Variants in HMGCLL1 observed in about 807,000 individuals in gnomAD.
HMGCLL1 encodes 3-hydroxymethyl-3-methylglutaryl-CoA lyase, cytoplasmic.
Under a neutral mutation model 39.1 loss-of-function variants are expected in HMGCLL1, and 36 were observed. The observed-to-expected ratio is 0.92, with a 90% CI of 0.71 to 1.22. The LOEUF (loss-of-function observed/expected upper bound fraction) is 1.22. HMGCLL1 is among the 50% of genes most tolerant of loss of function. The probability of loss-of-function intolerance (pLI) is 0.00; values close to 1 mark genes in which losing one functional copy is unlikely to be tolerated. For synonymous variants in HMGCLL1, 149 were observed against 144.0 expected (o/e 1.03, Z -0.25); for missense variants, 451 against 416.5 (o/e 1.08, Z -0.72).
At chr6:55,520,759 CA>C (rs1481646121) in intron 3 of HMGCLL1, among the ~76,000 whole-genome samples, 6 of 151,868 alleles carry the variant, frequency 4.0e-5, no homozygotes, top group Non-Finnish European at 5.9e-5. Flanking sequence ...AAACTTTTTT[CA>C]GACGTTGCAG....
intron 7 of HMGCLL1, among the ~76,000 whole-genome samples, chr6:55,477,413 ATATTATCTTAAT>A (rs1765492689): frequency 3.7e-5 from 1 of 27,358 alleles, no homozygotes; most frequent in South Asian, 9.0e-4. Context: ...ATCTAAATAT[ATATTATCTTAAT>A]ATATATTATA....
intron 7 of HMGCLL1, among the ~76,000 whole-genome samples, chr6:55,480,505 C>T (rs574231038): frequency 1.7e-4 from 26 of 151,732 alleles, no homozygotes; most frequent in Non-Finnish European, 2.9e-4. Flanking sequence ...AACTCTCATA[C>T]GCTGTTGGTT....
intron 3 of HMGCLL1, among the ~76,000 whole-genome samples, chr6:55,538,357 C>T (rs1332439157): frequency 2.0e-5 from 3 of 152,038 alleles, no homozygotes; most frequent in African/African-American, 7.2e-5. Flanking sequence ...GTTATATCAG[C>T]CTATTCAGTT....
At chr6:55,516,332 G>A (rs1032287286) in intron 4 of HMGCLL1, among the ~76,000 whole-genome samples, 176 bp downstream of exon 4, 2 of 152,080 alleles carry the variant, frequency 1.3e-5, no homozygotes, top group Admixed American at 6.6e-5. Flanking sequence ...CAGGTATATA[G>A]ACCACTTTAG....
chr6:55,544,270 T>C (rs750167801), intron 1 of HMGCLL1, among the ~76,000 whole-genome samples: 2 of 152,122 alleles, frequency 1.3e-5, no homozygotes, highest in Non-Finnish European at 2.9e-5. Context: ...GCCTTCTAAA[T>C]ATGCCCATTT....
chr6:55,502,567 G>A (rs895273818), intron 5 of HMGCLL1, among the ~76,000 whole-genome samples: 1 of 151,590 alleles, frequency 6.6e-6, no homozygotes. Flanking sequence ...TGCAGGCTAA[G>A]CTGCACATAA....
chr6:55,636,687 G>T, the HMGCLL1 span, among the ~76,000 whole-genome samples: 1 of 152,024 alleles, frequency 6.6e-6, no homozygotes, highest in African/African-American at 2.4e-5. Context: ...TTCACACCAG[G>T]TCCCCCATGC....
chr6:55,663,081 T>G, the HMGCLL1 span, among the ~76,000 whole-genome samples: 1 of 151,570 alleles, frequency 6.6e-6, no homozygotes, highest in Non-Finnish European at 1.5e-5. Context: ...CTGTTTTCTT[T>G]TTTATTAATC....
intron 3 of HMGCLL1, among the ~76,000 whole-genome samples, chr6:55,521,706 C>T (rs1768051679): frequency 6.6e-6 from 1 of 151,944 alleles, no homozygotes; most frequent in African/African-American, 2.4e-5. Context: ...GCATTCCCCA[C>T]CTCTCTCCGT....
the HMGCLL1 span, among the ~76,000 whole-genome samples, chr6:55,606,019 A>C: frequency 6.6e-6 from 1 of 152,252 alleles, no homozygotes; most frequent in South Asian, 2.1e-4. Flanking sequence ...CTATTTGATG[A>C]ATTGAAGAGG....
chr6:55,667,904 T>C, the HMGCLL1 span, among the ~76,000 whole-genome samples: 1 of 151,768 alleles, frequency 6.6e-6, no homozygotes, highest in Non-Finnish European at 1.5e-5. Flanking sequence ...CAGACTTTTT[T>C]TTTTATTTTT....
At position 55,495,494 on chromosome 6, in the gene HMGCLL1, G is replaced by C. The variant is rs147515881; in HGVS notation, c.720C>G (p.Ile240Met). Residue 240 changes from isoleucine (I) to methionine (M), a missense_variant, in exon 7 of 9, where the codon ATC becomes ATG. Transcript: ENST00000274901. ...AGTGAACAGCAAGAGCACCTGGTGG[G>C]ATTTCTTTCATCACACTTTCCAACA... ...KRMLESVMKEIPPGALAVHCH... is the reference protein window; with the variant it reads ...KRMLESVMKEMPPGALAVHCH... 16 of 1,613,900 alleles carry C rather than the reference G, an allele frequency of 9.9e-6. No individual in the cohort carries two copies. The highest frequency in any genetic ancestry group is 5.0e-5 in the Admixed American group (3 of 59,992).
At chr6:55,669,377 A>C in the HMGCLL1 span, among the ~76,000 whole-genome samples, 1 of 151,868 alleles carries the variant, frequency 6.6e-6, no homozygotes, top group Non-Finnish European at 1.5e-5. Flanking sequence ...CAAACCAGTC[A>C]ATTGCCTGCT....
chr6:55,583,884 C>T (rs1772026331), upstream of HMGCLL1, among the ~76,000 whole-genome samples: 1 of 152,132 alleles, frequency 6.6e-6, no homozygotes, highest in African/African-American at 2.4e-5. Flanking sequence ...TAAAATCATG[C>T]ATGATGACAC....
chr6:55,678,735 G>T, the HMGCLL1 span, among the ~76,000 whole-genome samples: 1 of 152,154 alleles, frequency 6.6e-6, no homozygotes, highest in Non-Finnish European at 1.5e-5. Context: ...ACCAAGGAAA[G>T]AAACAAGGTT....
chr6:55,550,596 G>A (rs548716601), intron 1 of HMGCLL1, among the ~76,000 whole-genome samples: 5 of 152,040 alleles, frequency 3.3e-5, no homozygotes, highest in African/African-American at 1.2e-4. Flanking sequence ...ATTAGTGCCA[G>A]GAGTGAACTG....
At chr6:55,659,515 C>A in the HMGCLL1 span, among the ~76,000 whole-genome samples, 4 of 151,980 alleles carry the variant, frequency 2.6e-5, no homozygotes, top group Admixed American at 2.0e-4. Context: ...TGGTTAATTG[C>A]TAGTTGTCAT....
At chr6:55,592,217 G>A in the HMGCLL1 span, among the ~76,000 whole-genome samples, 1 of 151,844 alleles carries the variant, frequency 6.6e-6, no homozygotes, top group Non-Finnish European at 1.5e-5. Context: ...CATTCCTCTA[G>A]TGTCTTTTAT....
the HMGCLL1 span, among the ~76,000 whole-genome samples, chr6:55,622,663 C>T: frequency 6.6e-6 from 1 of 151,976 alleles, no homozygotes; most frequent in Non-Finnish European, 1.5e-5. Flanking sequence ...TAGTTTGCTA[C>T]TGTTTTGTTG....
Sources: gnomAD v4.1 joint callset for allele counts (sites outside exome capture counted in the v4.1 genomes callset) on GRCh38, gnomAD v4.1.1 for gene constraint, MANE v1.5 for transcripts, NCBI Gene and HGNC (gene_info 2026-07-23, HGNC 2026-07-21) for gene names.